LRMDA: variants seen among roughly 807,000 people sequenced by gnomAD.
The protein encoded by LRMDA is leucine-rich melanocyte differentiation-associated protein.
In LRMDA, 18 loss-of-function variants were observed where a neutral mutation model predicts 29.8. That is an observed-to-expected ratio of 0.60 (90% CI 0.42 to 0.90). The LOEUF (loss-of-function observed/expected upper bound fraction) is 0.90. Ranked by LOEUF, LRMDA falls within the 40% of genes least tolerant of loss-of-function variation. The probability of loss-of-function intolerance (pLI) is 0.00; values close to 1 mark genes in which losing one functional copy is unlikely to be tolerated. For missense variants in LRMDA, 273 were observed against 273.9 expected, an observed-to-expected ratio of 1.00 and a Z score of 0.02; for synonymous variants, 125 against 109.4, an observed-to-expected ratio of 1.14 and a Z score of -0.89.
chr10:76,367,608 G>A (rs1399539338), intron 6 of LRMDA, among the ~76,000 whole-genome samples: 1 of 151,886 alleles, frequency 6.6e-6, no homozygotes, highest in Non-Finnish European at 1.5e-5. Flanking sequence ...ATTTTTATTA[G>A]AGATGGGGTT....
intron 6 of LRMDA, among the ~76,000 whole-genome samples, chr10:76,552,220 G>A (rs562688099): frequency 6.6e-6 from 1 of 152,310 alleles, no homozygotes; most frequent in South Asian, 2.1e-4. Flanking sequence ...AAATATTAAT[G>A]ACAGACCACT....
chr10:75,752,047 A>G (rs1352019828), intron 2 of LRMDA, among the ~76,000 whole-genome samples: 2 of 150,938 alleles, frequency 1.3e-5, no homozygotes, highest in African/African-American at 2.4e-5. Context: ...ATATATATAT[A>G]TATAAACAAA....
chr10:75,803,846 T>A (rs919408668), intron 2 of LRMDA, among the ~76,000 whole-genome samples: 1 of 152,196 alleles, frequency 6.6e-6, no homozygotes, highest in South Asian at 2.1e-4. Flanking sequence ...CGCAGTCTCT[T>A]TTCTGTCTGA....
At chr10:75,544,654 T>C (rs1455001111) in intron 2 of LRMDA, among the ~76,000 whole-genome samples, 1 of 152,168 alleles carries the variant, frequency 6.6e-6, no homozygotes, top group Non-Finnish European at 1.5e-5. Flanking sequence ...TGCTGTAATG[T>C]TATTCTTTTT....
chr10:75,520,963 A>G (rs1160082965), intron 2 of LRMDA, among the ~76,000 whole-genome samples: 1 of 151,994 alleles, frequency 6.6e-6, no homozygotes, highest in Non-Finnish European at 1.5e-5. Context: ...GGTCTGTTGG[A>G]GTTTGCTGGA....
At chr10:75,790,642 A>G (rs1320491916) in intron 2 of LRMDA, among the ~76,000 whole-genome samples, 1 of 152,246 alleles carries the variant, frequency 6.6e-6, no homozygotes, top group East Asian at 1.9e-4. Context: ...TATGAAAACC[A>G]AAAGCAGTTT....
intron 2 of LRMDA, among the ~76,000 whole-genome samples, chr10:75,675,284 CTG>C (rs1384914181): frequency 6.6e-6 from 1 of 152,170 alleles, no homozygotes; most frequent in East Asian, 1.9e-4. Context: ...TTGCTCTTCT[CTG>C]TTGTGAGGTG....
intron 6 of LRMDA, among the ~76,000 whole-genome samples, chr10:76,458,224 T>C (rs1010342112): frequency 1.3e-5 from 2 of 151,884 alleles, no homozygotes; most frequent in Non-Finnish European, 2.9e-5. Context: ...ACCCCTCTCC[T>C]CCAGACAAGG....
At chr10:76,087,104 T>C (rs567912587) in intron 5 of LRMDA, among the ~76,000 whole-genome samples, 1 of 152,276 alleles carries the variant, frequency 6.6e-6, no homozygotes. Flanking sequence ...ATCCCCAGCA[T>C]TGGCAGACAT....
At chr10:76,030,206 T>C (rs779168893) in intron 2 of LRMDA, among the ~76,000 whole-genome samples, 25 of 152,336 alleles carry the variant, frequency 1.6e-4, no homozygotes, top group Middle Eastern at 6.8e-3. Context: ...TCTATTCATC[T>C]TGATACACTT....
chr10:75,648,134 G>A (rs1341590431), intron 2 of LRMDA, among the ~76,000 whole-genome samples: 2 of 152,220 alleles, frequency 1.3e-5, no homozygotes, highest in African/African-American at 2.4e-5. Flanking sequence ...ATATCAGGAT[G>A]TACATTAAGT....
chr10:76,013,593 T>C (rs1369134696), intron 2 of LRMDA, among the ~76,000 whole-genome samples: 1 of 152,002 alleles, frequency 6.6e-6, no homozygotes, highest in Non-Finnish European at 1.5e-5. Context: ...ACAGGTAAAA[T>C]GTGTTAATAG....
intron 6 of LRMDA, among the ~76,000 whole-genome samples, chr10:76,434,213 T>G (rs957053588): frequency 5.9e-5 from 9 of 152,146 alleles, no homozygotes; most frequent in African/African-American, 2.2e-4. Context: ...AATGTCCTGA[T>G]TATAGTGAAC....
intron 5 of LRMDA, among the ~76,000 whole-genome samples, chr10:76,285,650 T>C (rs1279523128): frequency 1.3e-5 from 2 of 152,070 alleles, no homozygotes; most frequent in Non-Finnish European, 2.9e-5. Context: ...ATAGGCATAG[T>C]CCACTCCACT....
chr10:76,230,423 GAAAAATGAGTAAAC>G (rs1054709717), intron 5 of LRMDA, among the ~76,000 whole-genome samples: 10 of 151,790 alleles, frequency 6.6e-5, no homozygotes, highest in Non-Finnish European at 1.3e-4. Flanking sequence ...TAGAAATCTG[GAAAAATGAGTAAAC>G]ACTATTAATT....
At chr10:76,416,019 C>A (rs60496698) in intron 6 of LRMDA, among the ~76,000 whole-genome samples, 6,926 of 152,256 alleles carry the variant, frequency 0.045, 416 homozygotes, top group African/African-American at 0.14. Flanking sequence ...CTATTCACTG[C>A]ATCATGTTGT....
chr10:75,440,919 C>A (rs1844319812), intron 2 of LRMDA, among the ~76,000 whole-genome samples: 1 of 152,172 alleles, frequency 6.6e-6, no homozygotes, highest in South Asian at 2.1e-4. Flanking sequence ...TGCCTGTAAT[C>A]CCAGCCACTT....
chr10:75,715,450 T>C (rs1471880622), intron 2 of LRMDA, among the ~76,000 whole-genome samples: 1 of 148,160 alleles, frequency 6.7e-6, no homozygotes, highest in Non-Finnish European at 1.5e-5. Flanking sequence ...CTTAACTGCC[T>C]TTTTTTTTAA....
rs1428435056 is a variant in LRMDA, at chr10:76,558,336, T to C, written c.*1048T>C. On this transcript the variant is annotated 3_prime_UTR_variant, in exon 7 of 7. Transcript: ENST00000611255. ...GTTTTTATAGAAGGCACAAACCTTT[T>C]GGATTTTGCATCTTTGTCATGACCT... The C allele has an allele frequency of 1.3e-5, 2 of 152,166 alleles. No individual in the cohort carries two copies. The highest frequency in any genetic ancestry group is 3.9e-4 in the East Asian group (2 of 5,192). The allele number at this position is 152,166 out of a possible 1,614,324, so 9.4% of individuals were successfully genotyped here.
Sources: gnomAD v4.1 joint callset for allele counts (sites outside exome capture counted in the v4.1 genomes callset) on GRCh38, gnomAD v4.1.1 for gene constraint, MANE v1.5 for transcripts, NCBI Gene and HGNC (gene_info 2026-07-23, HGNC 2026-07-21) for gene names.